Variants in PDE4D observed in about 807,000 individuals in gnomAD.
PDE4D encodes phosphodiesterase 4D.
A neutral mutation model predicts 87.4 loss-of-function variants in PDE4D; 24 were observed. The ratio of observed to expected loss-of-function variants is 0.27; its 90% CI spans 0.20 to 0.39. The LOEUF (loss-of-function observed/expected upper bound fraction) is 0.39. PDE4D is among the 10% of genes least tolerant of loss of function. The pLI is 1.00. For synonymous variants in PDE4D, 384 were observed against 383.2 expected (o/e 1.00, Z -0.02); for missense variants, 714 against 1,041.0 (o/e 0.69, Z 4.32).
chr5:59,296,481 A>G (rs1173905005), intron 1 of PDE4D, among the ~76,000 whole-genome samples: 1 of 152,164 alleles, frequency 6.6e-6, no homozygotes, highest in East Asian at 1.9e-4. Flanking sequence ...TGACTAGTAG[A>G]ATGAGTAATT....
At chr5:59,153,878 G>T (rs1447395442) in intron 5 of PDE4D, among the ~76,000 whole-genome samples, 3 of 152,136 alleles carry the variant, frequency 2.0e-5, no homozygotes, top group Admixed American at 2.0e-4. Flanking sequence ...TGAGGAAGGG[G>T]ACTGGGCTTG....
At chr5:59,482,983 C>A (rs35450986) in intron 1 of PDE4D, among the ~76,000 whole-genome samples, 40,314 of 152,026 alleles carry the variant, frequency 0.27, 10,962 homozygotes, top group African/African-American at 0.7. Context: ...AAAGCGGTTA[C>A]TCTCCTACAT....
At chr5:59,192,443 C>T (rs922930962) in intron 3 of PDE4D, among the ~76,000 whole-genome samples, 1 of 152,066 alleles carries the variant, frequency 6.6e-6, no homozygotes, top group Admixed American at 6.6e-5. Flanking sequence ...TTCAGTGACT[C>T]GCTCAAGTCC....
At chr5:59,786,747 G>A (rs925740601) in intron 1 of PDE4D, among the ~76,000 whole-genome samples, 7 of 152,068 alleles carry the variant, frequency 4.6e-5, no homozygotes, top group African/African-American at 1.2e-4. Flanking sequence ...TTGACACATC[G>A]TCCAACCAAG....
intron 1 of PDE4D, among the ~76,000 whole-genome samples, chr5:59,219,213 G>GA (rs1388531615): frequency 2.0e-5 from 3 of 150,106 alleles, no homozygotes; most frequent in Non-Finnish European, 3.0e-5. Flanking sequence ...AAAAAGAAAA[G>GA]AAAAAAAATA....
intron 1 of PDE4D, chr5:59,313,996 C>A (rs1773192908): frequency 6.6e-6 from 1 of 152,162 alleles, no homozygotes; most frequent in African/African-American, 2.4e-5. Flanking sequence ...TCTATAATAT[C>A]TCTTTCAATG....
chr5:59,856,382 T>G (rs1581442215), intron 1 of PDE4D, among the ~76,000 whole-genome samples: 1 of 151,708 alleles, frequency 6.6e-6, no homozygotes, highest in Non-Finnish European at 1.5e-5. Flanking sequence ...CTCACTAATC[T>G]ATAAAAAATT....
In PDE4D at chr5:59,893,423, G is replaced by T; in HGVS notation, c.200C>A (p.Pro67His). Reference sequence around the variant, plus strand: ...CGGCTGTAGCGGACACTGGGGCTGGGGCTGGGGCGAGGGTGGCGGCGGCGG... The same window carrying T: ...CGGCTGTAGCGGACACTGGGGCTGGTGCTGGGGCGAGGGTGGCGGCGGCGG... ...LPPPPPPSPQ[P>H]QPQCPLQPPP... is the part of the protein sequence containing the mutation. Residue 67 changes from proline to histidine, a missense_variant, in exon 1 of 15, where the codon CCC becomes CAC. By Grantham distance (77) the Pro-to-His change is moderately conservative (BLOSUM62 -2). Transcript: ENST00000340635. 6.7e-7 allele frequency: 1 copy of T among 1,497,614 alleles called. No homozygotes were observed. 92.8% of individuals were successfully genotyped at this position (1,497,614 alleles called of 1,614,324 possible).
chr5:59,448,903 G>A (rs1247117277), intron 1 of PDE4D, among the ~76,000 whole-genome samples: 1 of 152,116 alleles, frequency 6.6e-6, no homozygotes, highest in African/African-American at 2.4e-5. Context: ...CCAAAGCACT[G>A]GGATTACAGG....
chr5:60,174,440 G>C (rs1211487008), intron 2 of PDE4D, among the ~76,000 whole-genome samples: 1 of 152,036 alleles, frequency 6.6e-6, no homozygotes, highest in Non-Finnish European at 1.5e-5. Flanking sequence ...AGAGAGATTA[G>C]CTAAATTGCA....
chr5:59,743,173 C>T (rs1759105026), intron 1 of PDE4D, among the ~76,000 whole-genome samples: 1 of 151,912 alleles, frequency 6.6e-6, no homozygotes, highest in South Asian at 2.1e-4. Context: ...ATAATCAAAA[C>T]ACATTACAGA....
At chr5:60,174,091 T>C (rs1352541671) in intron 2 of PDE4D, among the ~76,000 whole-genome samples, 1 of 152,038 alleles carries the variant, frequency 6.6e-6, no homozygotes, top group Non-Finnish European at 1.5e-5. Context: ...ATGTTATGAA[T>C]GTCCAGCAAG....
intron 2 of PDE4D, chr5:59,988,763 A>C: frequency 9.4e-7 from 1 of 1,058,982 alleles, no homozygotes; most frequent in Non-Finnish European, 1.4e-6. Flanking sequence ...CAAAAATCAC[A>C]CTGTTTATCA....
chr5:59,294,494 G>A (rs1768671183), intron 1 of PDE4D, among the ~76,000 whole-genome samples: 1 of 152,162 alleles, frequency 6.6e-6, no homozygotes, highest in Admixed American at 6.6e-5. Context: ...AGAAAGCAGT[G>A]TCAGATGGTG....
chr5:59,765,375 T>G (rs1394927016), intron 1 of PDE4D, among the ~76,000 whole-genome samples: 1 of 152,238 alleles, frequency 6.6e-6, no homozygotes, highest in African/African-American at 2.4e-5. Context: ...GCATATGTTA[T>G]TACAGATGTT....
intron 1 of PDE4D, among the ~76,000 whole-genome samples, chr5:59,444,752 C>T (rs1038683737): frequency 7.2e-5 from 11 of 152,102 alleles, no homozygotes; most frequent in African/African-American, 2.7e-4. Context: ...GCGGAGCTTG[C>T]AGTGAGCCGA....
At chr5:60,260,170 G>A (rs977952057) in intron 1 of PDE4D, among the ~76,000 whole-genome samples, 4 of 151,698 alleles carry the variant, frequency 2.6e-5, no homozygotes, top group African/African-American at 9.7e-5. Flanking sequence ...TGTTATATCT[G>A]TTAACATCCC....
chr5:59,876,340 T>C (rs1748604735), intron 1 of PDE4D, among the ~76,000 whole-genome samples: 1 of 152,104 alleles, frequency 6.6e-6, no homozygotes. Flanking sequence ...ATGATGACAA[T>C]AATCTACTGA....
chr5:60,003,555 CA>C (rs1454621028), intron 2 of PDE4D, among the ~76,000 whole-genome samples: 7 of 151,632 alleles, frequency 4.6e-5, no homozygotes, highest in Admixed American at 3.9e-4. Context: ...ACTAAAAATA[CA>C]AAAATTAGCC....
Sources: allele counts gnomAD v4.1 joint callset (sites outside exome capture counted in the v4.1 genomes callset), GRCh38; gene constraint gnomAD v4.1.1; transcripts MANE v1.5; gene names NCBI Gene and HGNC (gene_info 2026-07-23, HGNC 2026-07-21).